The following VGLL3 variants were observed in gnomAD, a reference collection of about 807,000 sequenced individuals.
VGLL3 encodes the protein vestigial like family member 3, also known as transcription cofactor vestigial-like protein 3.
Under a neutral mutation model 29.2 loss-of-function variants are expected in VGLL3, and 18 were observed. The observed-to-expected ratio is 0.62, with a 90% CI of 0.43 to 0.91. VGLL3 has a LOEUF of 0.91. Ranked by LOEUF, VGLL3 falls within the 40% of genes least tolerant of loss-of-function variation. The pLI, the probability that VGLL3 is intolerant of heterozygous loss-of-function variation, is 0.00. For synonymous variants in VGLL3, 180 were observed against 151.8 expected (o/e 1.19, Z -1.36); for missense variants, 440 against 413.2 (o/e 1.06, Z -0.56).
intron 2 of VGLL3, among the ~76,000 whole-genome samples, chr3:86,970,483 GCACACACACACACACACACACACA>G (rs10694503): frequency 7.1e-6 from 1 of 141,200 alleles, no homozygotes. Context: ...TTACACACAC[GCACACACACACACACACACACACA>G]CACACACACA....
At chr3:86,960,218 A>G (rs1422739951) in intron 3 of VGLL3, among the ~76,000 whole-genome samples, 1 of 152,182 alleles carries the variant, frequency 6.6e-6, no homozygotes, top group Non-Finnish European at 1.5e-5. Context: ...TCACTTGTGA[A>G]TAATGTCCCT....
rs1404731201 is a variant in VGLL3 at position 86,944,952 on chromosome 3, C to T, written c.*2072G>A. The T allele has an allele frequency of 1.3e-5, 2 of 152,166 alleles. No individual in the cohort carries two copies. Among genetic ancestry groups the T allele is most frequent in the African/African-American group, 4.8e-5 (2 of 41,446 alleles). The allele number at this position is 152,166 out of a possible 1,614,324, so 9.4% of individuals were successfully genotyped here. ...TTGCCTTTGAAAACTCAGAAGGACA[C>T]AAGGCAAATCCAGATTTATAAATTC... is the stretch of plus-strand genomic sequence containing the variant. On this transcript the variant is annotated 3_prime_UTR_variant, in exon 4 of 4. Coordinates refer to ENST00000398399, the MANE Select transcript of VGLL3 (RefSeq NM_016206.4).
chr3:86,966,349 A>C (rs998947837), intron 3 of VGLL3, among the ~76,000 whole-genome samples: 6 of 152,126 alleles, frequency 3.9e-5, no homozygotes, highest in Non-Finnish European at 5.9e-5. Flanking sequence ...TGTGGCATTA[A>C]GTCTAACCTA....
chr3:86,953,309 G>T (rs183305553), intron 3 of VGLL3, among the ~76,000 whole-genome samples: 4 of 152,062 alleles, frequency 2.6e-5, no homozygotes, highest in Admixed American at 2.6e-4. Flanking sequence ...ACCATTCCAG[G>T]TCTGTATGTG....
chr3:86,957,897 C>T (rs1022625986), intron 3 of VGLL3, among the ~76,000 whole-genome samples: 9 of 151,934 alleles, frequency 5.9e-5, no homozygotes, highest in African/African-American at 1.9e-4. Flanking sequence ...AGTCCTTCTC[C>T]TTCTTTCCTC....
intron 3 of VGLL3, among the ~76,000 whole-genome samples, chr3:86,960,956 T>TAC (rs1386008830): frequency 2.9e-5 from 4 of 140,270 alleles, no homozygotes; most frequent in Non-Finnish European, 4.7e-5. Flanking sequence ...TATATATATA[T>TAC]ATATATATAT....
intron 3 of VGLL3, among the ~76,000 whole-genome samples, chr3:86,967,129 T>C (rs190195682): frequency 3.9e-5 from 6 of 151,988 alleles, no homozygotes; most frequent in Middle Eastern, 3.4e-3. Context: ...GTAGAATTCA[T>C]AGAGGGAAGA....
intron 2 of VGLL3, among the ~76,000 whole-genome samples, chr3:86,972,224 C>T (rs1025631): frequency 0.7 from 106,342 of 152,056 alleles, 37,555 homozygotes; most frequent in East Asian, 0.76. Context: ...GACATTATTA[C>T]TGAAAGTAGA....
intron 2 of VGLL3, among the ~76,000 whole-genome samples, chr3:86,970,483 G>GCGCACACA (rs1553706434): frequency 1.4e-5 from 2 of 141,200 alleles, no homozygotes; most frequent in South Asian, 2.4e-4. Context: ...TTACACACAC[G>GCGCACACA]CACACACACA....
chr3:86,947,104 T>C (rs1704524805), intron 3 of VGLL3, 37 bp from the exon 4 acceptor site: 2 of 779,386 alleles, frequency 2.6e-6, no homozygotes, highest in East Asian at 2.4e-5. Context: ...ATAAAGAACA[T>C]TAATACATAT....
chr3:86,978,808 A>T lies in VGLL3; in HGVS notation c.127-6T>A, dbSNP rs1230082318. 6.3e-7 allele frequency: 1 copy of T among 1,592,878 alleles called. No individual in the cohort carries two copies. Among genetic ancestry groups the T allele is most frequent in the Non-Finnish European group, 8.6e-7 (1 of 1,169,312 alleles). On this transcript the variant is annotated splice_polypyrimidine_tract_variant and splice_region_variant and intron_variant, in intron 1 of 3. Coordinates refer to ENST00000398399, the MANE Select transcript of VGLL3 (RefSeq NM_016206.4). Reference sequence around the variant, plus strand: ...CTGAATACCGCTAACTTCTTCTGGGATGGAATAAACAAAACACAGTATCAA... The same window carrying T: ...CTGAATACCGCTAACTTCTTCTGGGTTGGAATAAACAAAACACAGTATCAA...
At chr3:86,990,575 C>T (rs1705559626) in intron 1 of VGLL3, 43 bp downstream of exon 1, 1 of 1,315,098 alleles carries the variant, frequency 7.6e-7, no homozygotes, top group Non-Finnish European at 9.8e-7. Context: ...CTCTCGATGC[C>T]CTTCGCCCCC....
At chr3:86,974,967 A>G (rs1439920869) in intron 2 of VGLL3, among the ~76,000 whole-genome samples, 1 of 152,230 alleles carries the variant, frequency 6.6e-6, no homozygotes, top group African/African-American at 2.4e-5. Flanking sequence ...TAAGGAAGAG[A>G]GAAAAGGCAT....
chr3:86,953,325 C>A (rs534832696), intron 3 of VGLL3, among the ~76,000 whole-genome samples: 7 of 152,122 alleles, frequency 4.6e-5, no homozygotes, highest in Admixed American at 4.6e-4. Flanking sequence ...ATGTGTAGCT[C>A]GACCCCATCC....
chr3:86,944,294 A>C lies in VGLL3; in HGVS notation c.*2730T>G, dbSNP rs1013404988. ...TGCTCTGTTGCCCAAGCTGGAGTAC[A>C]GTGGTGCAATCACAGCTCACTGCAA... On this transcript the variant is annotated 3_prime_UTR_variant, in exon 4 of 4. Coordinates refer to ENST00000398399, the MANE Select transcript of VGLL3 (RefSeq NM_016206.4). 6.6e-6 allele frequency: 1 copy of C among 152,522 alleles called. No individual in the cohort carries two copies. Among genetic ancestry groups the C allele is most frequent in the South Asian group, 2.1e-4 (1 of 4,838 alleles). 9.4% of individuals were successfully genotyped at this position (152,522 alleles called of 1,614,324 possible).
chr3:86,971,109 G>A (rs1040504063), intron 2 of VGLL3, among the ~76,000 whole-genome samples: 1 of 152,122 alleles, frequency 6.6e-6, no homozygotes, highest in Non-Finnish European at 1.5e-5. Flanking sequence ...TATGAATGGA[G>A]GATATCTTAA....
intron 2 of VGLL3, among the ~76,000 whole-genome samples, chr3:86,974,433 T>A (rs1217345980): frequency 6.6e-6 from 1 of 152,136 alleles, no homozygotes; most frequent in Admixed American, 6.5e-5. Flanking sequence ...TAGGTTTTCT[T>A]AATGGAAAGA....
chr3:86,963,844 C>A (rs974739649), intron 3 of VGLL3, among the ~76,000 whole-genome samples: 2 of 152,196 alleles, frequency 1.3e-5, no homozygotes, highest in Non-Finnish European at 2.9e-5. Flanking sequence ...CAAAATCAGG[C>A]AGTCTGGCTT....
intron 3 of VGLL3, among the ~76,000 whole-genome samples, chr3:86,959,866 C>T (rs1704802104): frequency 6.6e-6 from 1 of 152,062 alleles, no homozygotes; most frequent in African/African-American, 2.4e-5. Context: ...CACCAGACCA[C>T]CTAAAAGAAA....
Sources: gnomAD v4.1 joint callset for allele counts (sites outside exome capture counted in the v4.1 genomes callset) on GRCh38, gnomAD v4.1.1 for gene constraint, MANE v1.5 for transcripts, NCBI Gene and HGNC (gene_info 2026-07-23, HGNC 2026-07-21) for gene names.